RMDN3: variants seen among roughly 807,000 people sequenced by gnomAD.
RMDN3 encodes regulator of microtubule dynamics 3.
RMDN3 carries 41 observed loss-of-function variants against 61.8 expected under a neutral mutation model. The ratio of observed to expected loss-of-function variants is 0.66; its 90% CI spans 0.52 to 0.86. RMDN3 has a LOEUF of 0.86. Ranked by LOEUF, RMDN3 falls within the 40% of genes least tolerant of loss-of-function variation. The pLI, the probability that RMDN3 is intolerant of heterozygous loss-of-function variation, is 0.00. For missense variants in RMDN3, 557 were observed against 585.3 expected (o/e 0.95, Z 0.50); for synonymous variants, 247 against 232.0 (o/e 1.06, Z -0.59).
intron 4 of RMDN3, among the ~76,000 whole-genome samples, chr15:40,746,409 G>A (rs1398922503): frequency 6.6e-6 from 1 of 151,860 alleles, no homozygotes; most frequent in Non-Finnish European, 1.5e-5. Flanking sequence ...CCAGCTACTC[G>A]GGAGGCTGAG....
In RMDN3 at chr15:40,752,025, C is replaced by CA; in HGVS notation, c.340_341insT (p.Ser114MetfsTer37). On this transcript the variant is annotated frameshift_variant, in exon 3 of 13. Coordinates refer to ENST00000338376, the MANE Select transcript of RMDN3 (RefSeq NM_018145.3). LOFTEE classifies it high-confidence loss of function. ...AATCTCCCCCGCAAGCCCTCGCAGG[C>CA]TGCTTCTCAGCTCCTCCACCTCCCG... The CA allele has an allele frequency of 6.2e-7, 1 of 1,614,228 alleles. No individual in the cohort carries two copies. Among genetic ancestry groups the CA allele is most frequent in the Non-Finnish European group, 8.5e-7 (1 of 1,180,024 alleles).
chr15:40,744,205 G>A, intron 5 of RMDN3, 56 bp from the exon 6 acceptor site: 2 of 1,539,764 alleles, frequency 1.3e-6, no homozygotes, highest in East Asian at 2.2e-5. Flanking sequence ...TGGAGAATGG[G>A]GGCCTTGGCC....
chr15:40,742,795 C>T (rs1199777196), intron 6 of RMDN3, among the ~76,000 whole-genome samples: 1 of 152,038 alleles, frequency 6.6e-6, no homozygotes, highest in Admixed American at 6.6e-5. Context: ...TAAGAGATGA[C>T]CAATGATCAA....
At chr15:40,738,874 G>T (rs1211939811) in intron 7 of RMDN3, 1 of 392,694 alleles carries the variant, frequency 2.5e-6, no homozygotes, top group Non-Finnish European at 4.6e-6. Flanking sequence ...CACTCATAAG[G>T]AGTACAGCCA....
chr15:40,737,835 C>A, intron 9 of RMDN3, 109 bp from the exon 10 acceptor site: 1 of 1,436,832 alleles, frequency 7.0e-7, no homozygotes, highest in South Asian at 1.2e-5. Flanking sequence ...GTCGAACCAC[C>A]AATAATACGA....
intron 10 of RMDN3, 87 bp downstream of exon 10, chr15:40,737,541 A>T: frequency 1.5e-6 from 2 of 1,299,684 alleles, no homozygotes; most frequent in Non-Finnish European, 2.2e-6. Context: ...GACTAGGAAA[A>T]CCCCTCCCAT....
intron 4 of RMDN3, among the ~76,000 whole-genome samples, chr15:40,747,359 C>CA (rs1897616793): frequency 6.6e-6 from 1 of 152,220 alleles, no homozygotes; most frequent in South Asian, 2.1e-4. Flanking sequence ...CTGCCACAAA[C>CA]AGAGTGAAAG....
chr15:40,752,109 C>T lies in RMDN3; in HGVS notation c.257G>A (p.Gly86Glu). ...ASVLPSLPRE[G>E]QEKVLDRLDF... ...CAGGCGGTCCAGCACCTTCTCCTGTCCTTCCCGTGGAAGGCTGGGCAGCAC... is the reference window on the plus strand; with the variant it reads ...CAGGCGGTCCAGCACCTTCTCCTGTTCTTCCCGTGGAAGGCTGGGCAGCAC... Residue 86 changes from glycine (G) to glutamate (E), a missense_variant, in exon 3 of 13, where the codon GGA (glycine) becomes GAA (glutamate). Physicochemically the swap from Gly to Glu is moderately conservative, Grantham distance 98. Transcript: ENST00000338376. 6.2e-7 allele frequency: 1 copy of T among 1,614,218 alleles called. No homozygotes were observed. Among genetic ancestry groups the T allele is most frequent in the Non-Finnish European group, 8.5e-7 (1 of 1,180,036 alleles).
At chr15:40,754,278 C>A (rs1897946387) in intron 2 of RMDN3, among the ~76,000 whole-genome samples, 1 of 151,958 alleles carries the variant, frequency 6.6e-6, no homozygotes, top group Admixed American at 6.6e-5. Context: ...CTACAGGCCG[C>A]GCCACCACGC....
intron 6 of RMDN3, among the ~76,000 whole-genome samples, chr15:40,743,747 A>G (rs1019551825): frequency 4.6e-5 from 7 of 152,242 alleles, no homozygotes; most frequent in African/African-American, 1.7e-4. Context: ...AGGTTAAGAA[A>G]AAAGGTTTTG....
At chr15:40,754,156 A>C (rs1897940761) in intron 2 of RMDN3, among the ~76,000 whole-genome samples, 2 of 123,826 alleles carry the variant, frequency 1.6e-5, no homozygotes, top group Non-Finnish European at 3.2e-5. Context: ...TTTGAGACAG[A>C]GTCCCACTCT....
chr15:40,746,041 G>A (rs1204800944), intron 4 of RMDN3, among the ~76,000 whole-genome samples: 1 of 152,216 alleles, frequency 6.6e-6, no homozygotes, highest in Non-Finnish European at 1.5e-5. Flanking sequence ...CTGAAAAGGT[G>A]TTTGGGGGGC....
chr15:40,742,463 A>G (rs143667778), intron 6 of RMDN3, among the ~76,000 whole-genome samples: 194 of 152,328 alleles, frequency 1.3e-3, no homozygotes, highest in African/African-American at 4.5e-3. Flanking sequence ...ATAATAGCAA[A>G]GAATGAGACA....
At chr15:40,752,551 C>A (rs1423229186) in intron 2 of RMDN3, among the ~76,000 whole-genome samples, 2 of 151,956 alleles carry the variant, frequency 1.3e-5, no homozygotes, top group Non-Finnish European at 2.9e-5. Context: ...CAATACCAAC[C>A]ACATAGCAAA....
chr15:40,737,130 C>T lies in RMDN3; in HGVS notation c.1353G>A (p.Thr451=), dbSNP rs376376908. The T allele has an allele frequency of 2.0e-5, 33 of 1,613,880 alleles. No individual in the cohort carries two copies. In the East Asian group the frequency reaches 2.9e-4, roughly 14 times the overall value. The change falls in exon 12 of 13, where the codon ACG becomes ACA. Residue 451 remains threonine (T), a synonymous_variant. Coordinates refer to ENST00000338376, the MANE Select transcript of RMDN3 (RefSeq NM_018145.3). Reference sequence around the variant, plus strand: ...CAGTATTAAAAAGCCTTACCTCCTTCGTGACATCTGGCAGCTCCAGGGCCA... The same window carrying T: ...CAGTATTAAAAAGCCTTACCTCCTTTGTGACATCTGGCAGCTCCAGGGCCA... ...MKLALELPDV[T]KEDLAIQKDL...
chr15:40,748,246 C>T (rs1897658944), intron 4 of RMDN3, among the ~76,000 whole-genome samples: 1 of 152,222 alleles, frequency 6.6e-6, no homozygotes, highest in Non-Finnish European at 1.5e-5. Flanking sequence ...CCCCAAGACA[C>T]ACATGTTCAA....
chr15:40,742,781 C>T (rs774671857), intron 6 of RMDN3, among the ~76,000 whole-genome samples: 1 of 152,022 alleles, frequency 6.6e-6, no homozygotes, highest in African/African-American at 2.4e-5. Flanking sequence ...GCTACTAGCA[C>T]TAATAAGAGA....
intron 3 of RMDN3, 138 bp downstream of exon 3, chr15:40,751,848 G>T: frequency 1.0e-6 from 1 of 980,390 alleles, no homozygotes; most frequent in Non-Finnish European, 1.5e-6. Flanking sequence ...GGTACCAAAT[G>T]TACAGCTTCA....
At chr15:40,740,369 GC>G (rs1897232494) in intron 6 of RMDN3, among the ~76,000 whole-genome samples, 176 bp from the exon 7 acceptor site, 3 of 152,244 alleles carry the variant, frequency 2.0e-5, no homozygotes, top group African/African-American at 7.2e-5. Context: ...AGTCACAGTG[GC>G]TCACGCCTCT....
Sources: allele counts gnomAD v4.1 joint callset (sites outside exome capture counted in the v4.1 genomes callset), GRCh38; gene constraint gnomAD v4.1.1; transcripts MANE v1.5; gene names NCBI Gene and HGNC (gene_info 2026-07-23, HGNC 2026-07-21).